Variants in NTN1 observed in about 807,000 individuals in gnomAD.
NTN1 encodes netrin-1.
Under a neutral mutation model 54.2 loss-of-function variants are expected in NTN1, and 11 were observed. The ratio of observed to expected loss-of-function variants is 0.20; its 90% CI spans 0.13 to 0.34. The LOEUF is 0.34. Among genes scored for constraint, NTN1 ranks in the 10% least tolerant of loss-of-function variants. The probability of loss-of-function intolerance (pLI) is 1.00; values close to 1 mark genes in which losing one functional copy is unlikely to be tolerated. For missense variants in NTN1, 740 were observed against 893.1 expected (o/e 0.83, Z 2.18); for synonymous variants, 371 against 382.0 (o/e 0.97, Z 0.33).
chr17:9,108,611 G>T (rs1436890880), intron 2 of NTN1, among the ~76,000 whole-genome samples: 4 of 152,166 alleles, frequency 2.6e-5, no homozygotes, highest in African/African-American at 9.7e-5. Context: ...AAGTGAGACT[G>T]GTCCAGAATG....
At chr17:9,202,108 GTAC>G (rs1321747056) in intron 5 of NTN1, among the ~76,000 whole-genome samples, 22 of 142,038 alleles carry the variant, frequency 1.5e-4, no homozygotes, top group African/African-American at 5.6e-4. Context: ...AGGTATGGTG[GTAC>G]GCACCTGTAG....
At chr17:9,071,383 AATG>A (rs1391312355) in intron 2 of NTN1, among the ~76,000 whole-genome samples, 2 of 152,176 alleles carry the variant, frequency 1.3e-5, no homozygotes, top group Non-Finnish European at 1.5e-5. Flanking sequence ...TTTCTAATAC[AATG>A]ATATCGTTTC....
At chr17:9,150,417 G>A (rs1164442675) in intron 2 of NTN1, among the ~76,000 whole-genome samples, 5 of 152,220 alleles carry the variant, frequency 3.3e-5, no homozygotes, top group Admixed American at 6.5e-5. Context: ...TGGAGAAGGC[G>A]TAGAGTTGTG....
At chr17:9,207,104 T>G (rs1904987127) in intron 5 of NTN1, among the ~76,000 whole-genome samples, 1 of 152,138 alleles carries the variant, frequency 6.6e-6, no homozygotes, top group South Asian at 2.1e-4. Context: ...CAACAAATAT[T>G]TATTGAGGGC....
rs192036677 is a variant in NTN1, at chr17:9,177,521, C to T, written c.1208-2286C>T. On this transcript the variant is annotated intron_variant, in intron 3 of 6. Coordinates refer to ENST00000173229, the MANE Select transcript of NTN1 (RefSeq NM_004822.3). The stretch of plus-strand genomic sequence containing the variant: ...TTACTGGTGCACAGCTGTGTTCCAT[C>T]AGCTCGGAGGGGAGAATGTCTTGGC... The T allele has an allele frequency of 4.6e-5, 7 of 152,370 alleles. No individual in the cohort carries two copies. In the East Asian group the frequency reaches 1.4e-3, roughly 29 times the overall value. 9.4% of individuals were successfully genotyped at this position (152,370 alleles called of 1,614,324 possible). A position where few individuals can be genotyped will look rare whatever the true frequency, so the allele number is the denominator to read the frequency against.
At chr17:9,193,862 A>G (rs1364911100) in intron 5 of NTN1, among the ~76,000 whole-genome samples, 1 of 144,482 alleles carries the variant, frequency 6.9e-6, no homozygotes, top group Non-Finnish European at 1.5e-5. Context: ...TAGAGGTTGC[A>G]GTGATCCAAG....
intron 2 of NTN1, among the ~76,000 whole-genome samples, chr17:9,061,699 A>G (rs936657210): frequency 2.6e-5 from 4 of 150,960 alleles, no homozygotes; most frequent in South Asian, 2.1e-4. Context: ...TTTTTGTTTT[A>G]TTTTGTTTTG....
intron 5 of NTN1, among the ~76,000 whole-genome samples, chr17:9,204,117 G>A (rs1057137727): frequency 6.6e-6 from 1 of 152,018 alleles, no homozygotes; most frequent in African/African-American, 2.4e-5. Context: ...GGAGATTCAG[G>A]GAGATTAAGA....
chr17:9,031,738 A>T (rs139242098), intron 2 of NTN1, among the ~76,000 whole-genome samples: 1 of 152,270 alleles, frequency 6.6e-6, no homozygotes, highest in East Asian at 1.9e-4. Context: ...TGAGGTCGGG[A>T]GTTCGAGACC....
In NTN1 at chr17:9,023,390, G is replaced by A; in HGVS notation, c.1017G>A (p.Val339=). 1.4e-6 allele frequency: 2 copies of A among 1,383,098 alleles called. No individual in the cohort carries two copies. Among genetic ancestry groups the A allele is most frequent in the Non-Finnish European group, 1.9e-6 (2 of 1,074,194 alleles). 85.7% of individuals were successfully genotyped at this position (1,383,098 alleles called of 1,614,324 possible). Residue 339 remains valine, a splice_region_variant and synonymous_variant, in exon 2 of 7, where the codon GTG becomes GTA. Coordinates refer to ENST00000173229, the MANE Select transcript of NTN1 (RefSeq NM_004822.3). ...CAGCCCGCGAAGCCAACGAGTGCGT[G>A]GGTGAGTGGGGTGCGGCGGCGGAGC... The part of the protein sequence containing the change: ...RATAREANEC[V]ACNCNLHARR...
intron 2 of NTN1, among the ~76,000 whole-genome samples, chr17:9,048,160 G>T (rs1480967709): frequency 6.6e-6 from 1 of 152,136 alleles, no homozygotes; most frequent in African/African-American, 2.4e-5. Context: ...ACAAATAAAG[G>T]CTTGAAAGTA....
intron 2 of NTN1, among the ~76,000 whole-genome samples, chr17:9,086,534 C>T (rs1317521960): frequency 2.0e-5 from 3 of 152,036 alleles, no homozygotes; most frequent in African/African-American, 4.8e-5. Flanking sequence ...GAGGTTAGAA[C>T]GGGTGCTATG....
At chr17:9,142,764 T>A (rs1161472771) in intron 2 of NTN1, among the ~76,000 whole-genome samples, 1 of 152,112 alleles carries the variant, frequency 6.6e-6, no homozygotes, top group Admixed American at 6.5e-5. Flanking sequence ...GAGCTTACAT[T>A]CTAGATGAGA....
intron 5 of NTN1, among the ~76,000 whole-genome samples, chr17:9,191,865 T>TA (rs60675960): frequency 0.28 from 24,850 of 88,844 alleles, 4,539 homozygotes; most frequent in Middle Eastern, 0.33. Context: ...TTATCGCTAC[T>TA]AAAAAAAAAA....
chr17:9,005,796 C>T, the NTN1 span, among the ~76,000 whole-genome samples: 15 of 152,316 alleles, frequency 9.8e-5, no homozygotes, highest in South Asian at 2.9e-3. Context: ...GTGAACTGTG[C>T]ACCCAGCCAG....
At chr17:9,126,533 G>A (rs1359029637) in intron 2 of NTN1, among the ~76,000 whole-genome samples, 1 of 152,026 alleles carries the variant, frequency 6.6e-6, no homozygotes, top group Non-Finnish European at 1.5e-5. Flanking sequence ...GAGAGAGAGA[G>A]AGAGATAAAG....
intron 2 of NTN1, among the ~76,000 whole-genome samples, chr17:9,155,310 C>T (rs1409623793): frequency 6.6e-6 from 1 of 152,102 alleles, no homozygotes; most frequent in East Asian, 1.9e-4. Context: ...GAGTTAATGA[C>T]AGTCACCTCC....
intron 6 of NTN1, among the ~76,000 whole-genome samples, chr17:9,224,381 C>T (rs1245720565): frequency 2.0e-5 from 3 of 151,596 alleles, no homozygotes; most frequent in East Asian, 2.0e-4. Flanking sequence ...TCTCTTGGGG[C>T]GGGGAAGGGT....
At chr17:9,051,560 T>A (rs1476431030) in intron 2 of NTN1, among the ~76,000 whole-genome samples, 6 of 152,248 alleles carry the variant, frequency 3.9e-5, no homozygotes, top group Non-Finnish European at 8.8e-5. Flanking sequence ...TATTGAGGTA[T>A]AATTGACAAA....
Sources: allele counts gnomAD v4.1 joint callset (sites outside exome capture counted in the v4.1 genomes callset), GRCh38; gene constraint gnomAD v4.1.1; transcripts MANE v1.5; gene names NCBI Gene and HGNC (gene_info 2026-07-23, HGNC 2026-07-21).